The following LASP1 variants were observed in gnomAD, a reference collection of about 807,000 sequenced individuals.
LASP1 encodes the protein LIM and SH3 domain protein 1.
Under a neutral mutation model 38.6 loss-of-function variants are expected in LASP1, and 10 were observed. The observed-to-expected ratio is 0.26, with a 90% CI of 0.16 to 0.44. LASP1 has a LOEUF of 0.44. Ranked by LOEUF, LASP1 falls within the 20% of genes least tolerant of loss-of-function variation. The pLI, the probability that LASP1 is intolerant of heterozygous loss-of-function variation, is 1.00. For missense variants in LASP1, 243 were observed against 375.7 expected, an observed-to-expected ratio of 0.65 and a Z score of 2.92; for synonymous variants, 132 against 140.8, an observed-to-expected ratio of 0.94 and a Z score of 0.44.
chr17:38,901,509 G>A lies in LASP1; in HGVS notation c.357+2990G>A, dbSNP rs1195869399. 8.5e-5 allele frequency among the ~76,000 whole-genome samples: 13 copies of A among 152,300 alleles called. No individual in the cohort carries two copies. The East Asian group carries it at 2.3e-3, about 27-fold the overall frequency. On this transcript the variant is annotated intron_variant, in intron 4 of 6. Coordinates refer to ENST00000318008, the MANE Select transcript of LASP1 (RefSeq NM_006148.4). ...AGCAATTACAGTCTGTCGGATATGG[G>A]CCTCCAGACAGCTGTAGCACAGTCA...
chr17:38,883,227 T>C (rs1490584002), intron 2 of LASP1, among the ~76,000 whole-genome samples: 1 of 151,620 alleles, frequency 6.6e-6, no homozygotes, highest in Non-Finnish European at 1.5e-5. Context: ...AAAAATGAAA[T>C]AAATTAGCCG....
At chr17:38,875,221 ACTGGGTGG>A (rs1913733217) in intron 1 of LASP1, among the ~76,000 whole-genome samples, 1 of 151,934 alleles carries the variant, frequency 6.6e-6, no homozygotes, top group South Asian at 2.1e-4. Flanking sequence ...AGGCCAGCAG[ACTGGGTGG>A]TGACCAGGCT....
At chr17:38,890,280 A>G (rs1598109937) in intron 2 of LASP1, 140 bp from the exon 3 acceptor site, 1 of 688,428 alleles carries the variant, frequency 1.5e-6, no homozygotes, top group East Asian at 2.7e-5. Context: ...GGTGGTGGAC[A>G]CTGAAGTCCT....
intron 2 of LASP1, among the ~76,000 whole-genome samples, chr17:38,881,458 G>C (rs1451293070): frequency 1.3e-5 from 2 of 152,236 alleles, no homozygotes; most frequent in East Asian, 3.9e-4. Flanking sequence ...TTTTTGTAGA[G>C]AGGAGGGCTT....
At chr17:38,913,669 C>A (rs565158336) in intron 4 of LASP1, among the ~76,000 whole-genome samples, 1 of 151,950 alleles carries the variant, frequency 6.6e-6, no homozygotes, top group Non-Finnish European at 1.5e-5. Flanking sequence ...TGGACCCAGG[C>A]GGAAACAGAG....
chr17:38,885,790 T>A (rs1324485221), intron 2 of LASP1, among the ~76,000 whole-genome samples: 5 of 151,966 alleles, frequency 3.3e-5, no homozygotes, highest in African/African-American at 1.2e-4. Context: ...GATCTAGGGG[T>A]AATGGATGGG....
intron 2 of LASP1, among the ~76,000 whole-genome samples, chr17:38,883,197 A>C (rs995108535): frequency 1.1e-4 from 17 of 152,140 alleles, no homozygotes; most frequent in Non-Finnish European, 2.1e-4. Context: ...CAGGAGTTCA[A>C]GACCAGCCTC....
intron 3 of LASP1, among the ~76,000 whole-genome samples, chr17:38,890,724 G>A (rs1426344852): frequency 6.6e-6 from 1 of 152,170 alleles, no homozygotes; most frequent in Non-Finnish European, 1.5e-5. Flanking sequence ...TTGGAGAGGT[G>A]TGGGTGTCTA....
At chr17:38,880,265 G>C (rs146538078) in intron 2 of LASP1, among the ~76,000 whole-genome samples, 237 of 152,326 alleles carry the variant, frequency 1.6e-3, no homozygotes, top group African/African-American at 5.2e-3. Flanking sequence ...ACTGGGAGCT[G>C]GAGAAAAATC....
At chr17:38,872,386 C>G (rs1913636019) in intron 1 of LASP1, among the ~76,000 whole-genome samples, 1 of 152,188 alleles carries the variant, frequency 6.6e-6, no homozygotes, top group Non-Finnish European at 1.5e-5. Flanking sequence ...CTTACCCTAG[C>G]TGGAAGAGGA....
chr17:38,878,370 T>TC (rs1430697792), intron 2 of LASP1, among the ~76,000 whole-genome samples, 190 bp downstream of exon 2: 1 of 152,134 alleles, frequency 6.6e-6, no homozygotes, highest in African/African-American at 2.4e-5. Flanking sequence ...AGTGCTTTTA[T>TC]CCCCCATTTA....
rs902660292 is a variant in LASP1 at position 38,900,225 on chromosome 17, C to T, written c.357+1706C>T. ...AAAAAAAAAAAAAAAAAAAAAAATACAAAAACTAGCCAGGCATGATAGCAC... is the reference window on the plus strand; with the variant it reads ...AAAAAAAAAAAAAAAAAAAAAAATATAAAAACTAGCCAGGCATGATAGCAC... On this transcript the variant is annotated intron_variant, in intron 4 of 6. Transcript: ENST00000318008. 6.5e-3 allele frequency among the ~76,000 whole-genome samples: 655 copies of T among 100,812 alleles called. 4 individuals carry two copies. Among genetic ancestry groups the T allele is most frequent in the African/African-American group, 0.021 (629 of 29,608 alleles). The allele number at this position is 100,812 out of a possible 152,430, so 66.1% of individuals were successfully genotyped here.
At chr17:38,885,255 C>T (rs555792629) in intron 2 of LASP1, among the ~76,000 whole-genome samples, 24 of 152,306 alleles carry the variant, frequency 1.6e-4, no homozygotes, top group Middle Eastern at 3.4e-3. Flanking sequence ...CACTGGACCT[C>T]AGTTTCTTCA....
chr17:38,914,632 C>A (rs1171519819), intron 5 of LASP1, among the ~76,000 whole-genome samples, 157 bp downstream of exon 5: 1 of 151,798 alleles, frequency 6.6e-6, no homozygotes, highest in African/African-American at 2.4e-5. Context: ...ACCAGAGGAC[C>A]TGAGGCCGGG....
chr17:38,881,120 A>G (rs968212307), intron 2 of LASP1, among the ~76,000 whole-genome samples: 5 of 150,628 alleles, frequency 3.3e-5, no homozygotes, highest in African/African-American at 9.8e-5. Context: ...AAACAAACAA[A>G]CTAAAGATAA....
At chr17:38,914,614 A>G in intron 5 of LASP1, 139 bp downstream of exon 5, 1 of 1,140,732 alleles carries the variant, frequency 8.8e-7, no homozygotes, top group Admixed American at 2.9e-5. Flanking sequence ...TCTTGTGTGC[A>G]AGAGGGGACC....
intron 3 of LASP1, among the ~76,000 whole-genome samples, chr17:38,897,716 G>T (rs553434099): frequency 2.6e-5 from 4 of 152,174 alleles, no homozygotes; most frequent in Non-Finnish European, 5.9e-5. Context: ...CCCTCCTATG[G>T]CGGTGGCCTC....
chr17:38,898,555 C>A, intron 4 of LASP1, 36 bp downstream of exon 4: 4 of 1,466,500 alleles, frequency 2.7e-6, no homozygotes, highest in Non-Finnish European at 3.7e-6. Flanking sequence ...ATCCCTGCTG[C>A]CCTCTGTTTG....
At chr17:38,893,603 T>C (rs1187419533) in intron 3 of LASP1, among the ~76,000 whole-genome samples, 1 of 152,136 alleles carries the variant, frequency 6.6e-6, no homozygotes, top group Admixed American at 6.5e-5. Context: ...TTTGCAGGCC[T>C]GTTCTGTCTC....
Sources: allele counts gnomAD v4.1 joint callset (sites outside exome capture counted in the v4.1 genomes callset), GRCh38; gene constraint gnomAD v4.1.1; transcripts MANE v1.5; gene names NCBI Gene and HGNC (gene_info 2026-07-23, HGNC 2026-07-21).